The following CWH43 variants were observed in gnomAD, a reference collection of about 807,000 sequenced individuals.
CWH43 encodes cell wall biogenesis 43 C-terminal homolog.
CWH43 carries 91 observed loss-of-function variants against 85.7 expected under a neutral mutation model. The observed-to-expected ratio is 1.06, with a 90% CI of 0.90 to 1.26. The LOEUF (loss-of-function observed/expected upper bound fraction) is 1.26, where lower values mean the gene tolerates loss of function less well. Among genes scored for constraint, CWH43 ranks in the 50% most tolerant of loss-of-function variants. CWH43 has a pLI of 0.00. For synonymous variants in CWH43, 323 were observed against 293.6 expected, an observed-to-expected ratio of 1.10 and a Z score of -1.02; for missense variants, 869 against 839.2, an observed-to-expected ratio of 1.04 and a Z score of -0.44.
At chr4:49,016,063 T>C (rs146347441) in intron 8 of CWH43, among the ~76,000 whole-genome samples, 412 of 152,308 alleles carry the variant, frequency 2.7e-3, no homozygotes, top group Middle Eastern at 0.014. Context: ...CTTGTGTGTT[T>C]TGTGACTTAT....
intron 13 of CWH43, among the ~76,000 whole-genome samples, chr4:49,042,020 G>A (rs1446388383): frequency 6.6e-6 from 1 of 152,200 alleles, no homozygotes; most frequent in African/African-American, 2.4e-5. Context: ...AGATGAGTTA[G>A]TCTCTGCATT....
chr4:48,991,464 C>A lies in CWH43; in HGVS notation c.246C>A (p.Ala82=). The A allele has an allele frequency of 6.2e-7, 1 of 1,614,048 alleles. No homozygotes were observed. The highest frequency in any genetic ancestry group is 8.5e-7 in the Non-Finnish European group (1 of 1,179,972). Residue 82 remains alanine (A), a synonymous_variant, in exon 3 of 16, where the codon GCC becomes GCA. Coordinates refer to ENST00000226432, the MANE Select transcript of CWH43 (RefSeq NM_025087.3). ...CTATTTTGTTTGTAGGCAGCATAGC[C>A]TCCTTCCAGGCTCCAAATGCCAAAC... ...LLRIITIGSI[A]SFQAPNAKLR...
At chr4:49,019,466 G>A (rs910234260) in intron 9 of CWH43, among the ~76,000 whole-genome samples, 7 of 152,288 alleles carry the variant, frequency 4.6e-5, no homozygotes, top group African/African-American at 1.4e-4. Flanking sequence ...AGAAGATGAC[G>A]TGGAGAGGCT....
At chr4:49,052,878 T>C (rs1784841157) in intron 15 of CWH43, among the ~76,000 whole-genome samples, 1 of 152,144 alleles carries the variant, frequency 6.6e-6, no homozygotes. Context: ...TTACAATAGA[T>C]CTCCAGAAAT....
chr4:49,048,945 G>A (rs917948443), intron 14 of CWH43, among the ~76,000 whole-genome samples: 1 of 152,120 alleles, frequency 6.6e-6, no homozygotes, highest in Non-Finnish European at 1.5e-5. Flanking sequence ...TGCCCTACAT[G>A]TAGTAGGTAT....
intron 10 of CWH43, 24 bp downstream of exon 10, chr4:49,028,758 C>G: frequency 6.8e-7 from 1 of 1,461,756 alleles, no homozygotes; most frequent in South Asian, 1.2e-5. Flanking sequence ...GAATTAGTTC[C>G]AGGTTTTGAG....
At chr4:49,001,246 A>T (rs1260722917) in intron 6 of CWH43, among the ~76,000 whole-genome samples, 2 of 152,210 alleles carry the variant, frequency 1.3e-5, no homozygotes, top group African/African-American at 4.8e-5. Flanking sequence ...ATAGGACCCC[A>T]TTGTACTATA....
In CWH43 at chr4:48,986,385, C is replaced by T; in HGVS notation, c.-45C>T. ...GGGCGCAGGGCTAGGGCAGCGGGCC[C>T]GACCCGCACGGCTTTCCTGGAAAGC... On this transcript the variant is annotated 5_prime_UTR_variant, in exon 1 of 16. Coordinates refer to ENST00000226432, the MANE Select transcript of CWH43 (RefSeq NM_025087.3). 2 of 1,539,006 alleles carry T rather than the reference C, an allele frequency of 1.3e-6. No individual in the cohort carries two copies. The highest frequency in any genetic ancestry group is 1.8e-6 in the Non-Finnish European group (2 of 1,139,316).
At chr4:48,986,544 G>A in intron 1 of CWH43, 72 bp downstream of exon 1, 1 of 1,544,044 alleles carries the variant, frequency 6.5e-7, no homozygotes, top group Non-Finnish European at 8.7e-7. Flanking sequence ...CGTGGAGCCA[G>A]GCCAGGTTGG....
chr4:49,045,161 G>A (rs1404962794), intron 14 of CWH43, among the ~76,000 whole-genome samples: 1 of 152,104 alleles, frequency 6.6e-6, no homozygotes, highest in Non-Finnish European at 1.5e-5. Context: ...TTGAATGTAT[G>A]GGTTAGTGGA....
At chr4:48,988,086 C>T (rs1353609685) in intron 1 of CWH43, among the ~76,000 whole-genome samples, 2 of 151,956 alleles carry the variant, frequency 1.3e-5, no homozygotes, top group African/African-American at 2.4e-5. Context: ...GAGAGACTCA[C>T]GGCAGCAGGA....
chr4:49,025,310 C>T (rs1367900573), intron 9 of CWH43, among the ~76,000 whole-genome samples: 1 of 151,810 alleles, frequency 6.6e-6, no homozygotes, highest in African/African-American at 2.4e-5. Flanking sequence ...TCTGGTGCCT[C>T]CTTGATTGGC....
At chr4:49,029,986 T>TG (rs1334742623) in intron 10 of CWH43, among the ~76,000 whole-genome samples, 1 of 152,208 alleles carries the variant, frequency 6.6e-6, no homozygotes, top group Non-Finnish European at 1.5e-5. Flanking sequence ...ACCGGTCCCC[T>TG]GGGCCCACTG....
intron 11 of CWH43, among the ~76,000 whole-genome samples, chr4:49,031,945 A>G (rs1197285908): frequency 6.6e-6 from 1 of 152,174 alleles, no homozygotes; most frequent in Non-Finnish European, 1.5e-5. Flanking sequence ...CAGTCAAGTC[A>G]TGCCCAGTAG....
intron 14 of CWH43, 43 bp downstream of exon 14, chr4:49,044,890 G>A (rs774649787): frequency 5.3e-6 from 8 of 1,514,214 alleles, no homozygotes; most frequent in East Asian, 2.3e-5. Flanking sequence ...TATTATTAAT[G>A]TGATCTTTTG....
chr4:49,053,278 A>G (rs1200806083), intron 15 of CWH43, among the ~76,000 whole-genome samples: 1 of 152,200 alleles, frequency 6.6e-6, no homozygotes, highest in East Asian at 1.9e-4. Flanking sequence ...TTTCTTCAAC[A>G]TTAATTTCTT....
At position 49,050,819 on chromosome 4, in the gene CWH43, A is replaced by G. The variant is rs374056203; in HGVS notation, c.1991A>G (p.Glu664Gly). 6 of 1,612,422 alleles carry G rather than the reference A, an allele frequency of 3.7e-6. No homozygotes were observed. In the African/African-American group the frequency reaches 8.0e-5, roughly 22 times the overall value. The change falls in exon 15 of 16, where the codon GAA becomes GGA. Residue 664 changes from glutamate (E) to glycine (G), a missense_variant. By Grantham distance (98) the Glu-to-Gly change is moderately conservative (BLOSUM62 -2). Coordinates refer to ENST00000226432, the MANE Select transcript of CWH43 (RefSeq NM_025087.3). The stretch of plus-strand genomic sequence containing the variant: ...CAGAAAGTGGTCATAGACCACAGAG[A>G]AGTTTCTGAGAAAATTCATTTTAAT... ...DNQKVVIDHR[E>G]VSEKIHFNPR...
At chr4:49,017,171 C>T in intron 8 of CWH43, 78 bp from the exon 9 acceptor site, 1 of 1,207,610 alleles carries the variant, frequency 8.3e-7, no homozygotes, top group Non-Finnish European at 1.2e-6. Context: ...GGAGCTGAGG[C>T]ACTGAAGGTC....
chr4:49,012,109 C>T (rs1289256988), intron 8 of CWH43, among the ~76,000 whole-genome samples: 1 of 152,206 alleles, frequency 6.6e-6, no homozygotes, highest in Non-Finnish European at 1.5e-5. Context: ...TTCAGGTACA[C>T]CAATCAAACC....
Sources: allele counts gnomAD v4.1 joint callset (sites outside exome capture counted in the v4.1 genomes callset), GRCh38; gene constraint gnomAD v4.1.1; transcripts MANE v1.5; gene names NCBI Gene and HGNC (gene_info 2026-07-23, HGNC 2026-07-21).